Variants in NXPE3 observed in about 807,000 individuals in gnomAD.
NXPE3 encodes the protein neurexophilin and PC-esterase domain family member 3.
In NXPE3, 26 loss-of-function variants were observed where a neutral mutation model predicts 46.1. The ratio of observed to expected loss-of-function variants is 0.56; its 90% CI spans 0.41 to 0.78. The LOEUF is 0.78. Among genes scored for constraint, NXPE3 ranks in the 30% least tolerant of loss-of-function variants. NXPE3 has a pLI of 0.00. For synonymous variants in NXPE3, 272 were observed against 257.9 expected (o/e 1.05, Z -0.52); for missense variants, 620 against 686.0 (o/e 0.90, Z 1.07).
chr3:101,821,798 C>A lies in NXPE3; in HGVS notation c.1524C>A (p.Ile508=). The A allele has an allele frequency of 6.2e-7, 1 of 1,614,204 alleles. No homozygotes were observed. The highest frequency in any genetic ancestry group is 8.5e-7 in the Non-Finnish European group (1 of 1,180,036). The part of the protein sequence containing the change: ...SDWYNFQLDT[I]LRRMFSGVGV... The stretch of plus-strand genomic sequence containing the variant: ...GGTACAACTTTCAGCTGGACACCAT[C>A]CTTCGGAGGATGTTCTCAGGGGTTG... Residue 508 remains isoleucine, a synonymous_variant, in exon 8 of 8, where the codon ATC becomes ATA. Transcript: ENST00000273347.
chr3:101,806,486 G>GTTTTA (rs1293110260), intron 5 of NXPE3, among the ~76,000 whole-genome samples: 1 of 152,090 alleles, frequency 6.6e-6, no homozygotes, highest in Non-Finnish European at 1.5e-5. Flanking sequence ...AGTAGTATAT[G>GTTTTA]TTTTATTTTA....
intron 5 of NXPE3, among the ~76,000 whole-genome samples, chr3:101,805,332 C>T (rs759109466): frequency 6.6e-6 from 1 of 151,868 alleles, no homozygotes; most frequent in Non-Finnish European, 1.5e-5. Flanking sequence ...TCTATGCTTA[C>T]TCAGTGTGTT....
chr3:101,822,074 C>A lies in NXPE3; in HGVS notation c.*120C>A. 2 of 843,000 alleles carry A rather than the reference C, an allele frequency of 2.4e-6. No homozygotes were observed. The highest frequency in any genetic ancestry group is 1.8e-6 in the Non-Finnish European group (1 of 544,518). 52.2% of individuals were successfully genotyped at this position (843,000 alleles called of 1,614,324 possible). A position where few individuals can be genotyped will look rare whatever the true frequency, so the allele number is the denominator to read the frequency against. On this transcript the variant is annotated 3_prime_UTR_variant, in exon 8 of 8. Transcript: ENST00000273347. The stretch of plus-strand genomic sequence containing the variant: ...AATAAGTATAAAATTTCAAAAAGAT[C>A]TGGACTTAATATGATGACTTATAAG...
At chr3:101,815,064 A>G (rs958011753) in intron 6 of NXPE3, among the ~76,000 whole-genome samples, 1 of 152,202 alleles carries the variant, frequency 6.6e-6, no homozygotes, top group African/African-American at 2.4e-5. Context: ...CTTGCAAGAA[A>G]TATTAGCCAT....
At chr3:101,789,495 A>G (rs900643528) in intron 4 of NXPE3, among the ~76,000 whole-genome samples, 7 of 152,178 alleles carry the variant, frequency 4.6e-5, no homozygotes, top group African/African-American at 1.7e-4. Context: ...ATGGTGAGCT[A>G]TGATCATGTC....
intron 6 of NXPE3, among the ~76,000 whole-genome samples, chr3:101,808,557 G>A (rs926419032): frequency 1.3e-5 from 2 of 151,896 alleles, no homozygotes; most frequent in East Asian, 1.9e-4. Flanking sequence ...GCCCAGCTCC[G>A]TAGATTTGTT....
chr3:101,813,072 C>T (rs116237536), intron 6 of NXPE3, among the ~76,000 whole-genome samples: 55 of 152,142 alleles, frequency 3.6e-4, no homozygotes, highest in Non-Finnish European at 6.6e-4. Flanking sequence ...CTCATATTCC[C>T]AGCACTTGAC....
intron 4 of NXPE3, among the ~76,000 whole-genome samples, chr3:101,787,914 G>A (rs764024714): frequency 7.9e-5 from 12 of 152,118 alleles, no homozygotes; most frequent in Non-Finnish European, 1.6e-4. Context: ...ATAGGTACCC[G>A]CAAATGGAAT....
chr3:101,803,625 G>A (rs1576758214), intron 5 of NXPE3, among the ~76,000 whole-genome samples: 1 of 152,278 alleles, frequency 6.6e-6, no homozygotes, highest in Non-Finnish European at 1.5e-5. Context: ...GGGTTGGTTT[G>A]TTTGTTTGTT....
chr3:101,800,954 G>A (rs980164951), intron 4 of NXPE3, among the ~76,000 whole-genome samples: 4 of 152,088 alleles, frequency 2.6e-5, no homozygotes, highest in African/African-American at 9.7e-5. Context: ...AAGTTGGTTA[G>A]GCTCTGATAA....
At chr3:101,793,745 T>A (rs955405537) in intron 4 of NXPE3, among the ~76,000 whole-genome samples, 2 of 151,606 alleles carry the variant, frequency 1.3e-5, no homozygotes, top group Non-Finnish European at 2.9e-5. Flanking sequence ...ATTTTTGCTT[T>A]CAGTAGTTCT....
intron 4 of NXPE3, 127 bp downstream of exon 4, chr3:101,785,816 G>A: frequency 1.3e-6 from 1 of 747,940 alleles, no homozygotes; most frequent in Non-Finnish European, 2.4e-6. Context: ...CATTTATTCG[G>A]TAAGTATTTG....
rs761982866 is a variant in NXPE3, at chr3:101,821,997, C to G, written c.*43C>G. The G allele has an allele frequency of 4.5e-6, 7 of 1,556,592 alleles. No homozygotes were observed. The highest frequency in any genetic ancestry group is 5.3e-6 in the Non-Finnish European group (6 of 1,138,928). ...TGGAGGAATCATATTCAATGACCTTCTCAATTGACCTGAGTTACAGAAAGT... is the reference window on the plus strand; with the variant it reads ...TGGAGGAATCATATTCAATGACCTTGTCAATTGACCTGAGTTACAGAAAGT... On this transcript the variant is annotated 3_prime_UTR_variant, in exon 8 of 8. Coordinates refer to ENST00000273347, the MANE Select transcript of NXPE3 (RefSeq NM_145037.4).
At chr3:101,805,635 T>C (rs934720605) in intron 5 of NXPE3, among the ~76,000 whole-genome samples, 20 of 152,110 alleles carry the variant, frequency 1.3e-4, no homozygotes, top group Non-Finnish European at 2.8e-4. Flanking sequence ...AGATGGAGTT[T>C]TGCCATGTTG....
At chr3:101,785,981 G>A (rs544200485) in intron 4 of NXPE3, among the ~76,000 whole-genome samples, 1 of 152,214 alleles carries the variant, frequency 6.6e-6, no homozygotes, top group South Asian at 2.1e-4. Context: ...AACGATAATT[G>A]GACATTGTGA....
intron 4 of NXPE3, among the ~76,000 whole-genome samples, chr3:101,799,546 C>A (rs1416166531): frequency 6.6e-6 from 1 of 152,104 alleles, no homozygotes. Context: ...CTCCCTCAGC[C>A]TTCCGAGTAG....
At position 101,801,933 on chromosome 3, in the gene NXPE3, C is replaced by G. The variant is rs201056771; in HGVS notation, c.792C>G (p.Phe264Leu). ...CTTGCAGCAGCAGAATTACCCATTT[C>G]AAAGGTGGATACCTGAAAGGTCTCC... ...KLPCSSRITH[F>L]KGGYLKGLLT... is the part of the protein sequence containing the mutation. The change falls in exon 5 of 8, where the codon TTC becomes TTG. Residue 264 changes from phenylalanine to leucine, a missense_variant. Phe to Leu is a conservative substitution (Grantham distance 22, BLOSUM62 0). Transcript: ENST00000273347. 674 of 1,613,976 alleles carry G rather than the reference C, an allele frequency of 4.2e-4. 6 individuals are homozygous for G. In the Middle Eastern group the frequency reaches 0.012, roughly 30 times the overall value.
Position 101,785,561 on chromosome 3 carries a change from G to T in NXPE3, c.-36G>T. On this transcript the variant is annotated 5_prime_UTR_variant, in exon 4 of 8. The change abolishes an upstream ATG in the 5' untranslated region. Coordinates refer to ENST00000273347, the MANE Select transcript of NXPE3 (RefSeq NM_145037.4). The stretch of plus-strand genomic sequence containing the variant: ...GAATTTTAAAGAGTGAAGGTAGCAT[G>T]GTGTCGGCCATGGGTGAACAAGACA... 6.5e-7 allele frequency: 1 copy of T among 1,548,726 alleles called. No homozygotes were observed. The highest frequency in any genetic ancestry group is 8.9e-7 in the Non-Finnish European group (1 of 1,120,274).
At chr3:101,808,818 G>GATATGTAT (rs1553802987) in intron 6 of NXPE3, among the ~76,000 whole-genome samples, 2 of 30,814 alleles carry the variant, frequency 6.5e-5, no homozygotes, top group Non-Finnish European at 1.2e-4. Context: ...AATTTTAGAG[G>GATATGTAT]ATATATATAT....
Sources: gnomAD v4.1 joint callset for allele counts (sites outside exome capture counted in the v4.1 genomes callset) on GRCh38, gnomAD v4.1.1 for gene constraint, MANE v1.5 for transcripts, NCBI Gene and HGNC (gene_info 2026-07-23, HGNC 2026-07-21) for gene names.